The following PTPRG variants were observed in gnomAD, a reference collection of about 807,000 sequenced individuals.
PTPRG encodes the protein receptor-type tyrosine-protein phosphatase gamma.
PTPRG carries 102 observed loss-of-function variants against 165.3 expected under a neutral mutation model. The observed-to-expected ratio is 0.62, with a 90% CI of 0.53 to 0.73. PTPRG has a LOEUF of 0.73. Ranked by LOEUF, PTPRG falls within the 30% of genes least tolerant of loss-of-function variation. The pLI is 0.00. For synonymous variants in PTPRG, 675 were observed against 669.5 expected, an observed-to-expected ratio of 1.01 and a Z score of -0.13; for missense variants, 1,866 against 1,861.4, an observed-to-expected ratio of 1.00 and a Z score of -0.05.
At chr3:62,201,783 C>T (rs985699067) in intron 11 of PTPRG, among the ~76,000 whole-genome samples, 2 of 152,130 alleles carry the variant, frequency 1.3e-5, no homozygotes, top group Non-Finnish European at 2.9e-5. Flanking sequence ...GGTAAAAATT[C>T]TTCATATTTT....
chr3:61,599,585 T>G (rs776781603), intron 1 of PTPRG, among the ~76,000 whole-genome samples: 1 of 152,090 alleles, frequency 6.6e-6, no homozygotes, highest in Non-Finnish European at 1.5e-5. Flanking sequence ...CTCCATTTCC[T>G]GGGCTCAAGT....
chr3:62,276,822 A>G (rs760372348), intron 24 of PTPRG, 150 bp from the exon 25 acceptor site: 13 of 625,740 alleles, frequency 2.1e-5, no homozygotes, highest in Non-Finnish European at 3.6e-5. Context: ...GCCTCAGCTG[A>G]TAACACTTTA....
intron 4 of PTPRG, among the ~76,000 whole-genome samples, chr3:62,041,382 A>G (rs1230559154): frequency 6.6e-6 from 1 of 152,146 alleles, no homozygotes; most frequent in Non-Finnish European, 1.5e-5. Context: ...GGGTGAGCAG[A>G]TTGTTGTCAA....
At chr3:62,220,778 A>G (rs1387452244) in intron 13 of PTPRG, among the ~76,000 whole-genome samples, 1 of 152,208 alleles carries the variant, frequency 6.6e-6, no homozygotes, top group Non-Finnish European at 1.5e-5. Flanking sequence ...GAGGTTAACA[A>G]GGTCAGCATG....
chr3:62,227,992 C>T (rs1700804478), intron 13 of PTPRG, among the ~76,000 whole-genome samples: 1 of 152,136 alleles, frequency 6.6e-6, no homozygotes, highest in Non-Finnish European at 1.5e-5. Flanking sequence ...CTATGGTGGC[C>T]CATTTTTGAG....
chr3:61,924,297 A>G (rs2039152854), intron 2 of PTPRG, among the ~76,000 whole-genome samples: 1 of 152,200 alleles, frequency 6.6e-6, no homozygotes, highest in South Asian at 2.1e-4. Context: ...TGGATATGGC[A>G]AGTCCTAATT....
At chr3:61,955,839 T>C (rs2040014552) in intron 2 of PTPRG, among the ~76,000 whole-genome samples, 1 of 152,266 alleles carries the variant, frequency 6.6e-6, no homozygotes, top group African/African-American at 2.4e-5. Context: ...CAACAGGTGA[T>C]TTTAATATTA....
At chr3:61,877,517 C>G (rs2037776186) in intron 2 of PTPRG, among the ~76,000 whole-genome samples, 1 of 152,094 alleles carries the variant, frequency 6.6e-6, no homozygotes, top group African/African-American at 2.4e-5. Flanking sequence ...AGCTGACCAA[C>G]CAATTCACAG....
chr3:61,901,087 T>G (rs1318411124), intron 2 of PTPRG, among the ~76,000 whole-genome samples: 4 of 152,234 alleles, frequency 2.6e-5, no homozygotes, highest in East Asian at 1.9e-4. Context: ...CTTGTAGGAA[T>G]AGATGGCAAA....
chr3:62,111,371 C>T (rs184801081), intron 5 of PTPRG, among the ~76,000 whole-genome samples: 75 of 152,332 alleles, frequency 4.9e-4, no homozygotes, highest in African/African-American at 1.8e-3. Context: ...TAGTCTAGCA[C>T]AGCTTCCTCT....
In PTPRG at chr3:62,214,823, G is replaced by A. The variant is rs1043916825; in HGVS notation, c.2156-4028G>A. 6.6e-6 allele frequency among the ~76,000 whole-genome samples: 1 copy of A among 152,176 alleles called. No individual in the cohort carries two copies. The highest frequency in any genetic ancestry group is 2.4e-5 in the African/African-American group (1 of 41,424). On this transcript the variant is annotated intron_variant, in intron 12 of 29. Coordinates refer to ENST00000474889, the MANE Select transcript of PTPRG (RefSeq NM_002841.4). The surrounding 1 kb of genome is among the most constrained non-coding windows in gnomAD (Gnocchi z 5.2). ...AGGCCCAAACTGGTTTAAGTTATTG[G>A]TTAAAAGTCACACAGAAAATGGCCA...
At chr3:61,626,307 C>G (rs975881701) in intron 1 of PTPRG, among the ~76,000 whole-genome samples, 3 of 152,086 alleles carry the variant, frequency 2.0e-5, no homozygotes, top group Non-Finnish European at 2.9e-5. Context: ...TGTTTCTTTT[C>G]CCTCCCTTAG....
intron 1 of PTPRG, among the ~76,000 whole-genome samples, chr3:61,728,658 G>C (rs1398981253): frequency 6.7e-6 from 1 of 149,702 alleles, no homozygotes; most frequent in Non-Finnish European, 1.5e-5. Context: ...CAATTAAGAT[G>C]ATCTAGCTAA....
intron 6 of PTPRG, among the ~76,000 whole-genome samples, chr3:62,150,038 C>A (rs1704271459): frequency 1.3e-5 from 2 of 152,208 alleles, no homozygotes; most frequent in Non-Finnish European, 2.9e-5. Context: ...TTCCTCACTG[C>A]CTTCAGGCTT....
At chr3:61,916,509 A>G (rs1184534734) in intron 2 of PTPRG, among the ~76,000 whole-genome samples, 1 of 152,178 alleles carries the variant, frequency 6.6e-6, no homozygotes, top group Non-Finnish European at 1.5e-5. Context: ...AAAAAATCTC[A>G]CTGTCAAATT....
intron 2 of PTPRG, among the ~76,000 whole-genome samples, chr3:61,883,109 A>AG (rs35529050): frequency 0.43 from 65,029 of 152,048 alleles, 15,180 homozygotes; most frequent in East Asian, 0.62. Flanking sequence ...GAGGTGTTCA[A>AG]GCTGGGCCTC....
intron 1 of PTPRG, among the ~76,000 whole-genome samples, chr3:61,562,686 C>T (rs1699792662): frequency 6.6e-6 from 1 of 151,840 alleles, no homozygotes; most frequent in Non-Finnish European, 1.5e-5. Flanking sequence ...GCTTTGCTGA[C>T]TCGTCGCCGA....
intron 8 of PTPRG, among the ~76,000 whole-genome samples, chr3:62,179,824 T>C (rs2106771155): frequency 6.6e-6 from 1 of 152,302 alleles, no homozygotes; most frequent in East Asian, 1.9e-4. Context: ...AGGGCCATCC[T>C]TACCAAATGA....
chr3:62,021,862 T>C (rs866961672), intron 4 of PTPRG, among the ~76,000 whole-genome samples: 18 of 147,588 alleles, frequency 1.2e-4, no homozygotes, highest in African/African-American at 3.3e-4. Flanking sequence ...CTTTTCTTTT[T>C]TTTTTTTTTT....
Sources: gnomAD v4.1 joint callset for allele counts (sites outside exome capture counted in the v4.1 genomes callset) on GRCh38, gnomAD v4.1.1 for gene constraint, Gnocchi (gnomAD v3.1) non-coding constraint, MANE v1.5 for transcripts, NCBI Gene and HGNC (gene_info 2026-07-23, HGNC 2026-07-21) for gene names.